Variants in PRKAG1 observed in about 807,000 individuals in gnomAD.
PRKAG1 encodes the protein protein kinase AMP-activated non-catalytic subunit gamma 1.
PRKAG1 carries 27 observed loss-of-function variants against 48.2 expected under a neutral mutation model. The ratio of observed to expected loss-of-function variants is 0.56; its 90% CI spans 0.41 to 0.77. The LOEUF (loss-of-function observed/expected upper bound fraction) is 0.77. PRKAG1 is among the 30% of genes least tolerant of loss of function. The probability of loss-of-function intolerance (pLI) is 0.00; values close to 1 mark genes in which losing one functional copy is unlikely to be tolerated. For synonymous variants in PRKAG1, 130 were observed against 147.7 expected (o/e 0.88, Z 0.87); for missense variants, 287 against 398.3 (o/e 0.72, Z 2.38).
rs758565939 is a variant in PRKAG1, at chr12:49,004,553, A to G, written c.491T>C (p.Leu164Ser). 1.2e-6 allele frequency: 2 copies of G among 1,614,206 alleles called. No homozygotes were observed. The highest frequency in any genetic ancestry group is 1.7e-6 in the Non-Finnish European group (2 of 1,180,034). Reference protein sequence around the residue: ...PVIDPESGNTLYILTHKRILK... With the variant: ...PVIDPESGNTSYILTHKRILK... ...AATGCGCTTGTGGGTGAGGATGTACAAAGTATTGCCTGATTCTGGGTCAAT... is the reference window on the plus strand; with the variant it reads ...AATGCGCTTGTGGGTGAGGATGTACGAAGTATTGCCTGATTCTGGGTCAAT... Residue 164 changes from leucine to serine, a missense_variant, in exon 8 of 12, where the codon TTG (leucine) becomes TCG (serine). Physicochemically the swap from Leu to Ser is moderately radical, Grantham distance 145. Around this residue, in one of 2 missense-constraint regions of PRKAG1, gnomAD observed 224 missense variants for 344.3 expected, o/e 0.65. Transcript: ENST00000548065.
Position 49,005,174 on chromosome 12 carries a change from A to G in PRKAG1, c.310-9T>C, listed in dbSNP as rs371302717. The stretch of plus-strand genomic sequence containing the variant: ...AGCTCATAGATCTGTACCTGAAAGC[A>G]GAAGCAACAGAATTTGAGACCTGAT... On this transcript the variant is annotated splice_polypyrimidine_tract_variant and intron_variant, in intron 5 of 11. Transcript: ENST00000548065. The surrounding 1 kb of genome is among the most constrained non-coding windows in gnomAD (Gnocchi z 4.1). The G allele has an allele frequency of 1.2e-6, 2 of 1,614,190 alleles. No individual in the cohort carries two copies. Among genetic ancestry groups the G allele is most frequent in the African/African-American group, 2.7e-5 (2 of 75,050 alleles).
chr12:49,016,291 G>C (rs922666006), intron 1 of PRKAG1, among the ~76,000 whole-genome samples: 1 of 152,124 alleles, frequency 6.6e-6, no homozygotes, highest in African/African-American at 2.4e-5. Context: ...ACTGTACCAC[G>C]CAAGTACAAA....
chr12:49,002,704 T>TGTGAGG lies in PRKAG1; in HGVS notation c.*189_*194dup. 1.4e-6 allele frequency: 1 copy of TGTGAGG among 691,614 alleles called. No homozygotes were observed. The highest frequency in any genetic ancestry group is 2.6e-6 in the Non-Finnish European group (1 of 382,934). The allele number at this position is 691,614 out of a possible 1,614,324, so 42.8% of individuals were successfully genotyped here. A position where few individuals can be genotyped will look rare whatever the true frequency, so the allele number is the denominator to read the frequency against. ...GGCTGAAAGTTTTTTCAAGTGTATGTGTGAGGGTAAGGGTAGCTATAAATC... is the reference window on the plus strand; with the variant it reads ...GGCTGAAAGTTTTTTCAAGTGTATGTGTGAGGGTGAGGGTAAGGGTAGCTATAAATC... On this transcript the variant is annotated 3_prime_UTR_variant, in exon 12 of 12. Transcript: ENST00000548065.
At chr12:49,007,458 C>T (rs977874384) in intron 2 of PRKAG1, among the ~76,000 whole-genome samples, 1 of 152,198 alleles carries the variant, frequency 6.6e-6, no homozygotes, top group African/African-American at 2.4e-5. Context: ...AAACTTCATG[C>T]TCTTAAGTCT....
At chr12:49,004,694 TC>T (rs1266022649) in intron 7 of PRKAG1, 61 bp from the exon 8 acceptor site, 16 of 1,608,856 alleles carry the variant, frequency 9.9e-6, no homozygotes, top group African/African-American at 2.7e-5. Flanking sequence ...ATTAAACAGG[TC>T]CATACAGTGT....
chr12:49,016,531 G>A (rs956343363), intron 1 of PRKAG1: 54 of 152,266 alleles, frequency 3.5e-4, no homozygotes, highest in African/African-American at 1.3e-3. Context: ...CAGCTAAGCT[G>A]GTATGTTAGA....
In PRKAG1 at chr12:49,005,081, C is replaced by G; in HGVS notation, c.355+39G>C. ...GGAAAAGTGTTTCCCAGAAACCCGC[C>G]ATCCCTTTATCCTTTTATAACCCCA... On this transcript the variant is annotated intron_variant, in intron 6 of 11. Coordinates refer to ENST00000548065, the MANE Select transcript of PRKAG1 (RefSeq NM_002733.5). This position sits in a 1 kb window ranked among gnomAD's most constrained non-coding sequence, Gnocchi z 4.1. The G allele has an allele frequency of 6.2e-7, 1 of 1,613,176 alleles. No homozygotes were observed. Among genetic ancestry groups the G allele is most frequent in the Admixed American group, 1.7e-5 (1 of 60,008 alleles).
Position 49,002,425 on chromosome 12 carries a change from A to G in PRKAG1, c.*474T>C, listed in dbSNP as rs1941326843. On this transcript the variant is annotated 3_prime_UTR_variant, in exon 12 of 12. Coordinates refer to ENST00000548065, the MANE Select transcript of PRKAG1 (RefSeq NM_002733.5). ...GCCCCTCCTCCCCACAATCCTCCCCACTCACATTATGGGAAGAAATGTCAC... is the reference window on the plus strand; with the variant it reads ...GCCCCTCCTCCCCACAATCCTCCCCGCTCACATTATGGGAAGAAATGTCAC... 1 of 231,616 alleles carries G rather than the reference A, an allele frequency of 4.3e-6. No homozygotes were observed. 14.3% of individuals were successfully genotyped at this position (231,616 alleles called of 1,614,324 possible). A position where few individuals can be genotyped will look rare whatever the true frequency, so the allele number is the denominator to read the frequency against.
At position 49,013,120 on chromosome 12, in the gene PRKAG1, T is replaced by G. The variant is rs763444868; in HGVS notation, c.10-10A>C. 3 of 1,612,262 alleles carry G rather than the reference T, an allele frequency of 1.9e-6. No homozygotes were observed. The highest frequency in any genetic ancestry group is 2.5e-6 in the Non-Finnish European group (3 of 1,178,336). ...TATCTGAAGAAATGACCTGGAGAGA[T>G]AAGAAAACAGATTCAGCTTAACCTG... On this transcript the variant is annotated splice_polypyrimidine_tract_variant and intron_variant, in intron 1 of 11. Transcript: ENST00000548065.
At chr12:49,006,320 T>C (rs142379982) in intron 2 of PRKAG1, among the ~76,000 whole-genome samples, 2 of 152,114 alleles carry the variant, frequency 1.3e-5, no homozygotes, top group African/African-American at 2.4e-5. Flanking sequence ...AGAGGATCAC[T>C]TGAACCCAGG....
intron 7 of PRKAG1, 150 bp from the exon 8 acceptor site, chr12:49,004,783 G>A: frequency 7.4e-7 from 1 of 1,355,474 alleles, no homozygotes; most frequent in Non-Finnish European, 1.0e-6. Flanking sequence ...GAGAGAGAGA[G>A]AGAGAGTGAG....
chr12:49,006,658 T>C (rs1380971190), intron 2 of PRKAG1, among the ~76,000 whole-genome samples: 1 of 152,224 alleles, frequency 6.6e-6, no homozygotes, highest in Non-Finnish European at 1.5e-5. Context: ...CTACATACTA[T>C]ACTACGTGCA....
chr12:49,004,012 G>A, intron 8 of PRKAG1, 90 bp from the exon 9 acceptor site: 2 of 1,488,862 alleles, frequency 1.3e-6, no homozygotes, highest in South Asian at 2.7e-5. Context: ...AATAAGGGCT[G>A]GGTGCGCCGG....
chr12:49,012,690 G>A (rs892754329), intron 2 of PRKAG1: 3 of 210,454 alleles, frequency 1.4e-5, no homozygotes, highest in Non-Finnish European at 2.9e-5. Context: ...ATAATTTTTG[G>A]TGTACATTCA....
chr12:49,004,799 GAGAGAGAGAGAGAC>G, intron 7 of PRKAG1, 151 bp downstream of exon 7: 1 of 1,263,404 alleles, frequency 7.9e-7, no homozygotes, highest in Non-Finnish European at 1.1e-6. Flanking sequence ...GTGAGAATGA[GAGAGAGAGAGAGAC>G]TGTGTGTGTG....
chr12:49,006,653 T>C (rs1941547508), intron 2 of PRKAG1, among the ~76,000 whole-genome samples: 1 of 152,226 alleles, frequency 6.6e-6, no homozygotes, highest in Non-Finnish European at 1.5e-5. Flanking sequence ...ATGTGCTACA[T>C]ACTATACTAC....
rs2137694114 is a variant in PRKAG1, at chr12:49,018,479, G to C, written c.9+253C>G. 33 of 1,360,676 alleles carry C rather than the reference G, an allele frequency of 2.4e-5. 1 individual carries two copies. The South Asian group carries it at 5.9e-4, about 24-fold the overall frequency. 84.3% of individuals were successfully genotyped at this position (1,360,676 alleles called of 1,614,324 possible). ...CCACGGCATACGTGGGCCCCAAGGA[G>C]GGAGCCAGGAGTCACTGCCTGCTTG... On this transcript the variant is annotated intron_variant, in intron 1 of 11. Transcript: ENST00000548065.
intron 8 of PRKAG1, 156 bp downstream of exon 8, chr12:49,004,351 C>A: frequency 1.1e-6 from 1 of 917,020 alleles, no homozygotes. Flanking sequence ...CACCTGTAAT[C>A]CTAGCACTTT....
intron 1 of PRKAG1, among the ~76,000 whole-genome samples, chr12:49,014,130 C>T (rs757469751): frequency 6.6e-6 from 1 of 152,140 alleles, no homozygotes; most frequent in East Asian, 1.9e-4. Flanking sequence ...CTGATCTGCC[C>T]GCCTCAGCCT....
Sources: allele counts gnomAD v4.1 joint callset (sites outside exome capture counted in the v4.1 genomes callset), GRCh38; gene constraint gnomAD v4.1.1; regional missense constraint gnomAD v4.1.1; non-coding constraint Gnocchi (gnomAD v3.1); transcripts MANE v1.5; gene names NCBI Gene and HGNC (gene_info 2026-07-23, HGNC 2026-07-21).